The following KIFAP3 variants were observed in gnomAD, a reference collection of about 807,000 sequenced individuals.
KIFAP3 encodes kinesin-associated protein 3.
In KIFAP3, 68 loss-of-function variants were observed where a neutral mutation model predicts 106.5. The ratio of observed to expected loss-of-function variants is 0.64; its 90% CI spans 0.53 to 0.78. KIFAP3 has a LOEUF of 0.78. Among genes scored for constraint, KIFAP3 ranks in the 30% least tolerant of loss-of-function variants. The probability of loss-of-function intolerance (pLI) is 0.00; values close to 1 mark genes in which losing one functional copy is unlikely to be tolerated. For missense variants in KIFAP3, 780 were observed against 941.8 expected, an observed-to-expected ratio of 0.83 and a Z score of 2.25; for synonymous variants, 320 against 311.5, an observed-to-expected ratio of 1.03 and a Z score of -0.29.
chr1:170,034,636 T>A, intron 6 of KIFAP3, 140 bp from the exon 7 acceptor site: 2 of 419,068 alleles, frequency 4.8e-6, no homozygotes, highest in South Asian at 9.8e-5. Context: ...ATATCCACAA[T>A]ACACTAGGAA....
chr1:169,984,887 T>A lies in KIFAP3; in HGVS notation c.1285-197A>T, dbSNP rs1666736624. Among the ~76,000 whole-genome samples the A allele has an allele frequency of 3.9e-5, 6 of 151,982 alleles. 1 individual carries two copies. The South Asian group carries it at 1.2e-3, about 31-fold the overall frequency. On this transcript the variant is annotated intron_variant, in intron 11 of 19. Transcript: ENST00000361580. ...AATAAACAGTTAATGAACTCTTAGA[T>A]GCTCAGCATTAAATATAAACTTCTA...
chr1:169,930,741 G>A (rs969817015), intron 19 of KIFAP3, among the ~76,000 whole-genome samples: 27 of 152,058 alleles, frequency 1.8e-4, no homozygotes, highest in Admixed American at 1.6e-3. Context: ...TCAATATTCC[G>A]GTTGGTGTTT....
intron 10 of KIFAP3, among the ~76,000 whole-genome samples, chr1:170,013,584 C>A (rs1199184629): frequency 1.3e-5 from 2 of 151,628 alleles, no homozygotes; most frequent in African/African-American, 4.8e-5. Flanking sequence ...AGGCATATAG[C>A]CTGGCTCCAC....
chr1:169,978,403 A>G (rs1666340161), intron 15 of KIFAP3, among the ~76,000 whole-genome samples: 1 of 152,036 alleles, frequency 6.6e-6, no homozygotes, highest in South Asian at 2.1e-4. Flanking sequence ...AATTTGTAAA[A>G]TAAACCTGGT....
At chr1:169,926,595 A>G (rs1663145228) in intron 19 of KIFAP3, among the ~76,000 whole-genome samples, 1 of 151,948 alleles carries the variant, frequency 6.6e-6, no homozygotes, top group African/African-American at 2.4e-5. Context: ...TATATATATA[A>G]CATTGAGTTA....
intron 2 of KIFAP3, among the ~76,000 whole-genome samples, chr1:170,050,324 C>T (rs979232720): frequency 1.3e-5 from 2 of 152,056 alleles, no homozygotes; most frequent in Admixed American, 6.6e-5. Flanking sequence ...ACAAAGCCTC[C>T]AAGAAATATG....
At chr1:169,968,699 C>T (rs521165) in intron 17 of KIFAP3, among the ~76,000 whole-genome samples, 142,126 of 151,782 alleles carry the variant, frequency 0.94, 66,627 homozygotes, top group East Asian at 1. Flanking sequence ...CTCAATAAGA[C>T]TGCCCCAAGT....
chr1:170,008,776 C>T (rs1028868254), intron 10 of KIFAP3, among the ~76,000 whole-genome samples: 9 of 152,182 alleles, frequency 5.9e-5, no homozygotes, highest in African/African-American at 4.8e-5. Flanking sequence ...CTGGGTATAC[C>T]CAAAGGATTA....
chr1:170,058,116 A>C (rs570819361), intron 1 of KIFAP3, among the ~76,000 whole-genome samples: 1 of 152,280 alleles, frequency 6.6e-6, no homozygotes, highest in South Asian at 2.1e-4. Flanking sequence ...CCTAGATTTC[A>C]TGTGGTTAGA....
chr1:170,055,361 G>T lies in KIFAP3; in HGVS notation c.108C>A (p.Thr36=), dbSNP rs1670788745. ...ALIVHYEVEA[T]ILGEMGDPML... ...TGGGGTCCCCCATTTCTCCAAGAAT[G>T]GTAGCTTCCACTTCATAGTGAACAA... Residue 36 remains threonine, a synonymous_variant, in exon 2 of 20, where the codon ACC becomes ACA. Coordinates refer to ENST00000361580, the MANE Select transcript of KIFAP3 (RefSeq NM_014970.4). 1 of 1,610,762 alleles carries T rather than the reference G, an allele frequency of 6.2e-7. No homozygotes were observed. Among genetic ancestry groups the T allele is most frequent in the African/African-American group, 1.3e-5 (1 of 74,732 alleles).
At chr1:169,981,946 C>T in intron 15 of KIFAP3, 26 bp downstream of exon 15, 1 of 1,572,310 alleles carries the variant, frequency 6.4e-7, no homozygotes, top group Non-Finnish European at 8.7e-7. Context: ...TAGACATTAA[C>T]ATAAAAATAA....
At chr1:169,964,658 A>G (rs1025514799) in intron 17 of KIFAP3, among the ~76,000 whole-genome samples, 1 of 152,142 alleles carries the variant, frequency 6.6e-6, no homozygotes, top group African/African-American at 2.4e-5. Flanking sequence ...GTATTGGGAA[A>G]AGAGGGAGTT....
At chr1:169,983,440 GT>G in intron 12 of KIFAP3, 58 bp from the exon 13 acceptor site, 1 of 1,180,856 alleles carries the variant, frequency 8.5e-7, no homozygotes, top group Non-Finnish European at 1.2e-6. Context: ...ATAATTTTTT[GT>G]TTAGTTCTCA....
chr1:170,011,041 G>C (rs918443628), intron 10 of KIFAP3, among the ~76,000 whole-genome samples: 4 of 151,926 alleles, frequency 2.6e-5, no homozygotes, highest in Non-Finnish European at 5.9e-5. Context: ...GACCATTCAT[G>C]TCTACTGCAT....
chr1:170,074,345 T>C, intron 1 of KIFAP3, 91 bp downstream of exon 1: 2 of 1,459,316 alleles, frequency 1.4e-6, no homozygotes, highest in Non-Finnish European at 1.9e-6. Context: ...TCTGCTAAAC[T>C]AGCGTTGCCC....
chr1:169,921,834 A>C, intron 19 of KIFAP3, 53 bp from the exon 20 acceptor site: 1 of 1,312,236 alleles, frequency 7.6e-7, no homozygotes, highest in Non-Finnish European at 1.1e-6. Context: ...CACATCCACA[A>C]TGCAGATTAA....
At chr1:170,025,022 G>T (rs1669037263) in intron 8 of KIFAP3, among the ~76,000 whole-genome samples, 1 of 152,110 alleles carries the variant, frequency 6.6e-6, no homozygotes. Context: ...ACTAAAGTCT[G>T]CTGTGTTAAA....
At chr1:170,041,957 G>T in intron 3 of KIFAP3, 1 of 909,902 alleles carries the variant, frequency 1.1e-6, no homozygotes, top group Non-Finnish European at 1.5e-6. Context: ...TGGTTTTAGA[G>T]TTCTGACTTA....
chr1:170,017,115 G>T (rs764660773), intron 9 of KIFAP3, among the ~76,000 whole-genome samples: 11 of 152,060 alleles, frequency 7.2e-5, no homozygotes, highest in Non-Finnish European at 1.3e-4. Context: ...AACTTAGCTG[G>T]CTGTGGTGGC....
Sources: gnomAD v4.1 joint callset for allele counts (sites outside exome capture counted in the v4.1 genomes callset) on GRCh38, gnomAD v4.1.1 for gene constraint, MANE v1.5 for transcripts, NCBI Gene and HGNC (gene_info 2026-07-23, HGNC 2026-07-21) for gene names.